Variants in MOCS2 observed in about 807,000 individuals in gnomAD.
MOCS2 encodes molybdenum cofactor synthesis 2, also known as molybdopterin synthase catalytic subunit.
A neutral mutation model predicts 21.9 loss-of-function variants in MOCS2; 13 were observed. The observed-to-expected ratio is 0.59, with a 90% CI of 0.39 to 0.94. The LOEUF is 0.94. Ranked by LOEUF, MOCS2 falls within the 40% of genes least tolerant of loss-of-function variation. The pLI is 0.00. For synonymous variants in MOCS2, 92 were observed against 80.8 expected, an observed-to-expected ratio of 1.14 and a Z score of -0.74; for missense variants, 227 against 218.3, an observed-to-expected ratio of 1.04 and a Z score of -0.25.
At chr5:53,103,700 G>A (rs1740977313) in intron 3 of MOCS2, among the ~76,000 whole-genome samples, 1 of 152,106 alleles carries the variant, frequency 6.6e-6, no homozygotes, top group African/African-American at 2.4e-5. Context: ...GAGAAACAAA[G>A]CATTACAGGA....
At position 53,104,284 on chromosome 5, in the gene MOCS2, G is replaced by C. The variant is rs183245411; in HGVS notation, c.99-2060C>G. On this transcript the variant is annotated intron_variant, in intron 3 of 6. Transcript: ENST00000396954. ...TAGGTAATATAAATATGGTCTACGA[G>C]TTTCAAACCATACTGAGTTCCCACA... 1.2e-3 allele frequency among the ~76,000 whole-genome samples: 188 copies of C among 152,288 alleles called. 1 individual carries two copies. Among genetic ancestry groups the C allele is most frequent in the African/African-American group, 2.8e-3 (116 of 41,552 alleles).
rs955977762 is a variant in MOCS2 at position 53,096,748 on chromosome 5, A to G, written c.*1854T>C. Reference sequence around the variant, plus strand: ...CCTCTCTGTTGGAGACTTTAAAAGCATAACAGTCTCAGTTCCAAACTTAGA... The same window carrying G: ...CCTCTCTGTTGGAGACTTTAAAAGCGTAACAGTCTCAGTTCCAAACTTAGA... On this transcript the variant is annotated 3_prime_UTR_variant, in exon 7 of 7. Coordinates refer to ENST00000396954, the MANE Select transcript of MOCS2 (RefSeq NM_004531.5). 41 of 152,364 alleles carry G rather than the reference A, an allele frequency of 2.7e-4. No homozygotes were observed. The highest frequency in any genetic ancestry group is 9.6e-4 in the African/African-American group (40 of 41,590). The allele number at this position is 152,364 out of a possible 1,614,324, so 9.4% of individuals were successfully genotyped here. A position where few individuals can be genotyped will look rare whatever the true frequency, so the allele number is the denominator to read the frequency against.
chr5:53,101,427 G>A lies in MOCS2; in HGVS notation c.309C>T (p.Val103=), dbSNP rs1182152420. 2 of 1,613,612 alleles carry A rather than the reference G, an allele frequency of 1.2e-6. No homozygotes were observed. Among genetic ancestry groups the A allele is most frequent in the Non-Finnish European group, 1.7e-6 (2 of 1,179,768 alleles). Residue 103 remains valine (V), a synonymous_variant, in exon 5 of 7, where the codon GTC becomes GTT. Coordinates refer to ENST00000396954, the MANE Select transcript of MOCS2 (RefSeq NM_004531.5). ...GCCTAATGTCACTACAAATCTTTCTGACTTCATTTTCCGCCATGGGTAGAT... is the reference window on the plus strand; with the variant it reads ...GCCTAATGTCACTACAAATCTTTCTAACTTCATTTTCCGCCATGGGTAGAT... ...EAYLPMAENE[V]RKICSDIRQK...
intron 3 of MOCS2, among the ~76,000 whole-genome samples, chr5:53,103,778 C>T (rs1191558463): frequency 6.6e-6 from 1 of 152,166 alleles, no homozygotes; most frequent in Non-Finnish European, 1.5e-5. Context: ...AACCTGGGGT[C>T]TGGGGGAGAT....
intron 3 of MOCS2, among the ~76,000 whole-genome samples, chr5:53,104,694 A>G (rs1741003961): frequency 6.6e-6 from 1 of 152,164 alleles, no homozygotes; most frequent in Non-Finnish European, 1.5e-5. Context: ...TTCTTGTGGC[A>G]CTGCCCTCCA....
In MOCS2 at chr5:53,098,338, G is replaced by A. The variant is rs950854012; in HGVS notation, c.*264C>T. The A allele has an allele frequency of 6.1e-6, 3 of 487,848 alleles. No individual in the cohort carries two copies. In the South Asian group the frequency reaches 7.1e-5, roughly 12 times the overall value. 30.2% of individuals were successfully genotyped at this position (487,848 alleles called of 1,614,324 possible). A position where few individuals can be genotyped will look rare whatever the true frequency, so the allele number is the denominator to read the frequency against. On this transcript the variant is annotated 3_prime_UTR_variant, in exon 7 of 7. Transcript: ENST00000396954. ...TTACAATTAGAAATTAGTCATGGAA[G>A]GACATGTCTACCACAGATATCTTTC...
chr5:53,109,728 A>G lies in MOCS2; in HGVS notation c.-647T>C. ...CACCCTTACCTGGCACAGCGGCACCATCCCGCCTAGGACAGCGGGACCGAA... is the reference window on the plus strand; with the variant it reads ...CACCCTTACCTGGCACAGCGGCACCGTCCCGCCTAGGACAGCGGGACCGAA... On this transcript the variant is annotated 5_prime_UTR_variant, in exon 1 of 7. An upstream start codon of the reference 5' UTR is lost. Transcript: ENST00000396954. 6.4e-7 allele frequency: 1 copy of G among 1,551,244 alleles called. No homozygotes were observed. Among genetic ancestry groups the G allele is most frequent in the Non-Finnish European group, 8.7e-7 (1 of 1,147,464 alleles).
rs759099255 is a variant in MOCS2 at position 53,103,829 on chromosome 5, T to C, written c.99-1605A>G. Among the ~76,000 whole-genome samples the C allele has an allele frequency of 1.3e-5, 2 of 152,222 alleles. 1 individual carries two copies. Among genetic ancestry groups the C allele is most frequent in the South Asian group, 4.2e-4 (2 of 4,818 alleles). On this transcript the variant is annotated intron_variant, in intron 3 of 6. Transcript: ENST00000396954. ...CTATGAAAAGTTGCGACCTGAAAGA[T>C]AAGGAGGAAGTCTTGTAAAGAAACC...
At position 53,100,541 on chromosome 5, in the gene MOCS2, C is replaced by T. The variant is rs1166507902; in HGVS notation, c.378-7G>A. 2.5e-6 allele frequency: 4 copies of T among 1,612,508 alleles called. No individual in the cohort carries two copies. The highest frequency in any genetic ancestry group is 3.3e-5 in the Admixed American group (2 of 59,830). On this transcript the variant is annotated splice_region_variant and splice_polypyrimidine_tract_variant and intron_variant, in intron 5 of 6. Transcript: ENST00000396954. ...TTCTGACACTGGAACCAAGCTTTAA[C>T]AAGATGAAGAGAAAAAAAAATCACC...
chr5:53,100,243 G>A lies in MOCS2; in HGVS notation c.501+168C>T, dbSNP rs1740870151. Reference sequence around the variant, plus strand: ...CTTACTGTGTGCCATGCATTCTTTGGGGCACATATTTTTCATGCTTAACAA... The same window carrying A: ...CTTACTGTGTGCCATGCATTCTTTGAGGCACATATTTTTCATGCTTAACAA... On this transcript the variant is annotated intron_variant, in intron 6 of 6. Coordinates refer to ENST00000396954, the MANE Select transcript of MOCS2 (RefSeq NM_004531.5). Among the ~76,000 whole-genome samples the A allele has an allele frequency of 2.6e-5, 4 of 151,982 alleles. No individual in the cohort carries two copies. In the South Asian group the frequency reaches 8.3e-4, roughly 32 times the overall value.
intron 1 of MOCS2, 130 bp from the exon 2 acceptor site, chr5:53,108,773 C>A: frequency 3.1e-6 from 3 of 974,862 alleles, no homozygotes; most frequent in South Asian, 4.0e-5. Flanking sequence ...AATTAAATAA[C>A]CCGTAAAAAA....
Position 53,109,686 on chromosome 5 carries a change from C to A in MOCS2, c.-605G>T, listed in dbSNP as rs903835880. 1.9e-6 allele frequency: 3 copies of A among 1,552,378 alleles called. No homozygotes were observed. The highest frequency in any genetic ancestry group is 2.6e-6 in the Non-Finnish European group (3 of 1,147,870). On this transcript the variant is annotated 5_prime_UTR_variant, in exon 1 of 7. Transcript: ENST00000396954. ...CGTCGAGGAGGGCTCCGCACCCAGG[C>A]CCGCACGCACACCCGCCACCCTTAC...
At chr5:53,106,675 T>C (rs1235536187) in intron 3 of MOCS2, among the ~76,000 whole-genome samples, 1 of 152,196 alleles carries the variant, frequency 6.6e-6, no homozygotes, top group Non-Finnish European at 1.5e-5. Flanking sequence ...ACTTAAAAGT[T>C]AAATAAATTC....
intron 3 of MOCS2, among the ~76,000 whole-genome samples, chr5:53,102,820 C>A (rs1057154499): frequency 6.6e-6 from 1 of 151,944 alleles, no homozygotes; most frequent in Non-Finnish European, 1.5e-5. Context: ...TAGTGGCACA[C>A]ATCTATAATC....
At chr5:53,108,498 T>G (rs369347178) in intron 2 of MOCS2, 24 bp downstream of exon 2, 39 of 1,602,114 alleles carry the variant, frequency 2.4e-5, no homozygotes, top group Non-Finnish European at 3.2e-5. Flanking sequence ...GTTACTCATA[T>G]GCATTCTACA....
At chr5:53,101,741 A>G (rs1254550085) in intron 4 of MOCS2, among the ~76,000 whole-genome samples, 1 of 152,170 alleles carries the variant, frequency 6.6e-6, no homozygotes, top group Non-Finnish European at 1.5e-5. Flanking sequence ...TACTAAAAAC[A>G]CTCACCTGGC....
rs1740742157 is a variant in MOCS2 at position 53,096,637 on chromosome 5, G to A, written c.*1965C>T. The A allele has an allele frequency of 6.6e-6, 1 of 152,204 alleles. No individual in the cohort carries two copies. The highest frequency in any genetic ancestry group is 1.5e-5 in the Non-Finnish European group (1 of 68,038). 9.4% of individuals were successfully genotyped at this position (152,204 alleles called of 1,614,324 possible). On this transcript the variant is annotated 3_prime_UTR_variant, in exon 7 of 7. Coordinates refer to ENST00000396954, the MANE Select transcript of MOCS2 (RefSeq NM_004531.5). ...TCCTAAGTAAGCAAGGGTCAGTAAA[G>A]ATCCTATCTAAGTCAAGTGCAATGC...
chr5:53,106,068 T>C (rs1343190544), intron 3 of MOCS2, among the ~76,000 whole-genome samples: 1 of 152,046 alleles, frequency 6.6e-6, no homozygotes, highest in African/African-American at 2.4e-5. Context: ...AAATAACAGA[T>C]GCTGGCGAGG....
chr5:53,100,584 G>T (rs750909736), intron 5 of MOCS2, 50 bp from the exon 6 acceptor site: 42 of 1,601,466 alleles, frequency 2.6e-5, no homozygotes, highest in Non-Finnish European at 3.5e-5. Flanking sequence ...CTGAATCTAC[G>T]TGTTAAAGAA....
Sources: gnomAD v4.1 joint callset for allele counts (sites outside exome capture counted in the v4.1 genomes callset) on GRCh38, gnomAD v4.1.1 for gene constraint, MANE v1.5 for transcripts, NCBI Gene and HGNC (gene_info 2026-07-23, HGNC 2026-07-21) for gene names.